RBMS2: variants seen among roughly 807,000 people sequenced by gnomAD.
RBMS2 encodes the protein RNA-binding motif, single-stranded-interacting protein 2.
In RBMS2, 38 loss-of-function variants were observed where a neutral mutation model predicts 58.4. That is an observed-to-expected ratio of 0.65 (90% CI 0.50 to 0.85). The LOEUF (loss-of-function observed/expected upper bound fraction) is 0.85, where lower values mean the gene tolerates loss of function less well. Ranked by LOEUF, RBMS2 falls within the 40% of genes least tolerant of loss-of-function variation. The pLI is 0.00. For missense variants in RBMS2, 367 were observed against 503.7 expected, an observed-to-expected ratio of 0.73 and a Z score of 2.60; for synonymous variants, 151 against 180.7, an observed-to-expected ratio of 0.84 and a Z score of 1.32.
chr12:56,533,408 CTTTT>C (rs1164155079), intron 1 of RBMS2, among the ~76,000 whole-genome samples: 12 of 65,304 alleles, frequency 1.8e-4, no homozygotes, highest in Middle Eastern at 0.018. Flanking sequence ...AGCCCTATTA[CTTTT>C]TTTTTTTTTT....
At position 56,552,568 on chromosome 12, in the gene RBMS2, C is replaced by G. The variant is rs1443807944; in HGVS notation, c.67-9849C>G. On this transcript the variant is annotated intron_variant, in intron 1 of 13. Coordinates refer to ENST00000262031, the MANE Select transcript of RBMS2 (RefSeq NM_002898.4). ...TAACTGAGATGGTAGATATAAAATC[C>G]TTAGCACAGGCCAGGTGCAGTGGCT... Among the ~76,000 whole-genome samples, 4 of 152,094 alleles carry G rather than the reference C, an allele frequency of 2.6e-5. No homozygotes were observed. The East Asian group carries it at 7.7e-4, about 29-fold the overall frequency.
Position 56,531,941 on chromosome 12 carries a change from C to T in RBMS2, c.66+9852C>T, listed in dbSNP as rs142421718. 5.5e-3 allele frequency among the ~76,000 whole-genome samples: 840 copies of T among 151,910 alleles called. 11 individuals are homozygous for T. The highest frequency in any genetic ancestry group is 0.019 in the African/African-American group (795 of 41,434). On this transcript the variant is annotated intron_variant, in intron 1 of 13. Coordinates refer to ENST00000262031, the MANE Select transcript of RBMS2 (RefSeq NM_002898.4). ...CTTATTTAAAAAAAACATTGTGGGC[C>T]GGGCACTGTGGCTCAACGCTTGTAA...
At chr12:56,542,789 G>A (rs919851918) in intron 1 of RBMS2, among the ~76,000 whole-genome samples, 2 of 151,368 alleles carry the variant, frequency 1.3e-5, no homozygotes, top group African/African-American at 4.9e-5. Context: ...GGCTCAAGCA[G>A]TCCTCCCATC....
intron 1 of RBMS2, among the ~76,000 whole-genome samples, chr12:56,544,130 G>A (rs1876690551): frequency 6.6e-6 from 1 of 151,698 alleles, no homozygotes; most frequent in South Asian, 2.1e-4. Context: ...ACAAAAATTA[G>A]CCAGGCGTGG....
chr12:56,574,406 T>A (rs1314857396), intron 5 of RBMS2, among the ~76,000 whole-genome samples: 2 of 152,256 alleles, frequency 1.3e-5, no homozygotes, highest in Non-Finnish European at 2.9e-5. Flanking sequence ...CTTATGGTAT[T>A]TGCTTTTGTC....
At chr12:56,529,780 T>C (rs759077945) in intron 1 of RBMS2, among the ~76,000 whole-genome samples, 2 of 152,146 alleles carry the variant, frequency 1.3e-5, no homozygotes, top group African/African-American at 2.4e-5. Context: ...AGTCGATTAG[T>C]GGTTGCCTAG....
At chr12:56,538,986 C>CTTT (rs1565734941) in intron 1 of RBMS2, among the ~76,000 whole-genome samples, 1 of 112,824 alleles carries the variant, frequency 8.9e-6, no homozygotes, top group African/African-American at 3.2e-5. Flanking sequence ...TCAAATCATT[C>CTTT]GTTGTTAGTT....
At chr12:56,551,856 G>A (rs183332950) in intron 1 of RBMS2, among the ~76,000 whole-genome samples, 3 of 152,336 alleles carry the variant, frequency 2.0e-5, no homozygotes, top group Admixed American at 2.0e-4. Flanking sequence ...GGGAAGCCGA[G>A]GTGGGCAGAT....
At chr12:56,524,199 A>G (rs1872241137) in intron 1 of RBMS2, among the ~76,000 whole-genome samples, 1 of 152,112 alleles carries the variant, frequency 6.6e-6, no homozygotes. Context: ...TCTCTTAGTA[A>G]GGTTTGACAA....
In RBMS2 at chr12:56,591,699, T is replaced by C. The variant is rs529918948; in HGVS notation, c.*2566T>C. 2.0e-5 allele frequency: 3 copies of C among 152,288 alleles called. No individual in the cohort carries two copies. The South Asian group carries it at 6.2e-4, about 32-fold the overall frequency. The allele number at this position is 152,288 out of a possible 1,614,324, so 9.4% of individuals were successfully genotyped here. A position where few individuals can be genotyped will look rare whatever the true frequency, so the allele number is the denominator to read the frequency against. ...AGGTTTAGGAAGGGCCTTTCACGCA[T>C]AGAAACCATTGTTGATATTGCCACT... On this transcript the variant is annotated 3_prime_UTR_variant, in exon 14 of 14. Coordinates refer to ENST00000262031, the MANE Select transcript of RBMS2 (RefSeq NM_002898.4).
chr12:56,533,646 C>T (rs373180538), intron 1 of RBMS2, among the ~76,000 whole-genome samples: 1 of 151,782 alleles, frequency 6.6e-6, no homozygotes, highest in East Asian at 1.9e-4. Context: ...GAACTCCTGA[C>T]TTCAAGTGAT....
intron 1 of RBMS2, among the ~76,000 whole-genome samples, chr12:56,538,715 C>CAG (rs1254836971): frequency 6.6e-6 from 1 of 151,616 alleles, no homozygotes; most frequent in East Asian, 2.0e-4. Context: ...CTCCTGACCT[C>CAG]GTGATCCACC....
chr12:56,576,033 C>T (rs1883080237), intron 5 of RBMS2, among the ~76,000 whole-genome samples: 1 of 151,692 alleles, frequency 6.6e-6, no homozygotes, highest in Non-Finnish European at 1.5e-5. Context: ...GTATGCCATT[C>T]TGAGTAGCAT....
chr12:56,568,410 T>A (rs1004879569), intron 2 of RBMS2, among the ~76,000 whole-genome samples: 4 of 152,090 alleles, frequency 2.6e-5, no homozygotes, highest in Non-Finnish European at 5.9e-5. Context: ...AGTGTGTGAG[T>A]CTTAGCTGGG....
At chr12:56,529,607 A>AG (rs1873327537) in intron 1 of RBMS2, among the ~76,000 whole-genome samples, 1 of 151,700 alleles carries the variant, frequency 6.6e-6, no homozygotes, top group Admixed American at 6.6e-5. Flanking sequence ...ACAAATCTCT[A>AG]GGGGAAAAAA....
chr12:56,537,848 C>CTT (rs56179535), intron 1 of RBMS2, among the ~76,000 whole-genome samples: 1 of 132,864 alleles, frequency 7.5e-6, no homozygotes, highest in Non-Finnish European at 1.6e-5. Context: ...TGTTTTCTGC[C>CTT]TTTTTTTTTT....
chr12:56,582,342 C>T (rs1469985092), intron 9 of RBMS2, among the ~76,000 whole-genome samples, 190 bp downstream of exon 9: 1 of 152,042 alleles, frequency 6.6e-6, no homozygotes, highest in Non-Finnish European at 1.5e-5. Context: ...TAATGGTGTC[C>T]TCTTACTCCC....
chr12:56,562,000 G>C (rs1029698795), intron 1 of RBMS2, among the ~76,000 whole-genome samples: 17 of 151,792 alleles, frequency 1.1e-4, no homozygotes, highest in African/African-American at 4.1e-4. Flanking sequence ...AATAGAGACA[G>C]GGTTTCACCA....
intron 1 of RBMS2, among the ~76,000 whole-genome samples, chr12:56,552,856 A>G (rs1878510179): frequency 6.6e-6 from 1 of 151,708 alleles, no homozygotes; most frequent in Non-Finnish European, 1.5e-5. Flanking sequence ...AATAAATAAA[A>G]TACTTAGCAC....
Sources: gnomAD v4.1 joint callset for allele counts (sites outside exome capture counted in the v4.1 genomes callset) on GRCh38, gnomAD v4.1.1 for gene constraint, MANE v1.5 for transcripts, NCBI Gene and HGNC (gene_info 2026-07-23, HGNC 2026-07-21) for gene names.